Variants in FANCI observed in about 807,000 individuals in gnomAD.
FANCI encodes the protein FA complementation group I, also known as Fanconi anemia group I protein.
Under a neutral mutation model 176.1 loss-of-function variants are expected in FANCI, and 156 were observed. That is an observed-to-expected ratio of 0.89 (90% CI 0.78 to 1.01). The LOEUF is 1.01. Among genes scored for constraint, FANCI ranks in the 50% least tolerant of loss-of-function variants. The pLI is 0.00. For missense variants in FANCI, 1,678 were observed against 1,534.1 expected, an observed-to-expected ratio of 1.09 and a Z score of -1.57; for synonymous variants, 613 against 541.7, an observed-to-expected ratio of 1.13 and a Z score of -1.83.
chr15:89,269,837 G>C (rs1373151493), intron 10 of FANCI, among the ~76,000 whole-genome samples: 1 of 151,018 alleles, frequency 6.6e-6, no homozygotes, highest in East Asian at 1.9e-4. Flanking sequence ...TTTGGACAGA[G>C]TCTCACTGTG....
At chr15:89,263,349 C>T (rs2052797042) in intron 6 of FANCI, 70 bp from the exon 7 acceptor site, 7 of 1,335,528 alleles carry the variant, frequency 5.2e-6, no homozygotes, top group Admixed American at 3.4e-5. Flanking sequence ...TTTTTTTGTC[C>T]TCATTAATTT....
intron 14 of FANCI, 27 bp from the exon 15 acceptor site, chr15:89,281,143 C>A (rs1321805294): frequency 6.2e-7 from 1 of 1,608,794 alleles, no homozygotes; most frequent in Non-Finnish European, 8.5e-7. Context: ...TTATTTGAGA[C>A]AACTGATTAT....
At chr15:89,295,366 G>GAAAAAA (rs373941070) in intron 24 of FANCI, among the ~76,000 whole-genome samples, 1 of 96,302 alleles carries the variant, frequency 1.0e-5, no homozygotes. Flanking sequence ...ACTCTCAAAA[G>GAAAAAA]AAAAAAAAAA....
intron 20 of FANCI, among the ~76,000 whole-genome samples, chr15:89,291,994 G>A (rs2054087423): frequency 6.6e-6 from 1 of 152,144 alleles, no homozygotes; most frequent in Admixed American, 6.5e-5. Context: ...CTAAATAAAT[G>A]TACTTTAGAA....
At chr15:89,248,808 C>G (rs2052103111) in intron 2 of FANCI, among the ~76,000 whole-genome samples, 2 of 152,052 alleles carry the variant, frequency 1.3e-5, no homozygotes, top group South Asian at 4.1e-4. Flanking sequence ...ATATTGTAGT[C>G]TCATTGCTCT....
At chr15:89,262,694 T>C (rs2052765085) in intron 6 of FANCI, among the ~76,000 whole-genome samples, 1 of 152,228 alleles carries the variant, frequency 6.6e-6, no homozygotes, top group Non-Finnish European at 1.5e-5. Context: ...AATTTGTTTT[T>C]AATTACACAA....
chr15:89,263,314 C>T lies in FANCI; in HGVS notation c.504-105C>T, dbSNP rs181770397. ...TATTTGATCTTGTTTCTCGGTATTGCAAAATCAAACTTGAATTGGCCCTGT... is the reference window on the plus strand; with the variant it reads ...TATTTGATCTTGTTTCTCGGTATTGTAAAATCAAACTTGAATTGGCCCTGT... On this transcript the variant is annotated intron_variant, in intron 6 of 37. Transcript: ENST00000310775. 9.2e-5 allele frequency: 83 copies of T among 907,004 alleles called. 1 individual carries two copies. Among genetic ancestry groups the T allele is most frequent in the Admixed American group, 7.7e-4 (41 of 53,480 alleles). 56.2% of individuals were successfully genotyped at this position (907,004 alleles called of 1,614,324 possible).
chr15:89,291,869 A>G (rs536108599), intron 20 of FANCI, among the ~76,000 whole-genome samples, 155 bp downstream of exon 20: 1 of 152,306 alleles, frequency 6.6e-6, no homozygotes, highest in East Asian at 1.9e-4. Context: ...CTGAACCATT[A>G]TCATTTTGGA....
rs747326740 is a variant in FANCI at position 89,307,625 on chromosome 15, G to C, written c.3604G>C (p.Gly1202Arg). The change falls in exon 34 of 38, where the codon GGT becomes CGT. Residue 1202 changes from glycine (G) to arginine (R), a missense_variant. Around this residue, in one of 3 missense-constraint regions of FANCI, gnomAD observed 1,204 missense variants for 1,077.4 expected, o/e 1.12. Coordinates refer to ENST00000310775, the MANE Select transcript of FANCI (RefSeq NM_001113378.2). The stretch of plus-strand genomic sequence containing the variant: ...CCTTGTTGTGCAGGTGAAGCTGTCT[G>C]GTTCTCATCTGACCCCCCTGTGTTA... The part of the protein sequence containing the change: ...KNMEKLVKLS[G>R]SHLTPLCYSF... 10 of 1,614,034 alleles carry C rather than the reference G, an allele frequency of 6.2e-6. No individual in the cohort carries two copies. The Admixed American group carries it at 1.5e-4, about 24-fold the overall frequency.
intron 2 of FANCI, among the ~76,000 whole-genome samples, chr15:89,252,097 C>T (rs773127435): frequency 3.9e-5 from 6 of 152,056 alleles, no homozygotes; most frequent in Non-Finnish European, 5.9e-5. Flanking sequence ...GTCAGGAGTT[C>T]GAAACCAGCC....
At chr15:89,311,805 G>T (rs527952873) in intron 34 of FANCI, among the ~76,000 whole-genome samples, 1 of 152,202 alleles carries the variant, frequency 6.6e-6, no homozygotes, top group South Asian at 2.1e-4. Context: ...TGTTGCCCTC[G>T]TGGAGCATGG....
chr15:89,269,548 G>C (rs1026639629), intron 10 of FANCI, among the ~76,000 whole-genome samples: 6 of 151,946 alleles, frequency 3.9e-5, no homozygotes, highest in Non-Finnish European at 8.8e-5. Context: ...TTATCTGATT[G>C]TTTCCTCACG....
intron 18 of FANCI, among the ~76,000 whole-genome samples, chr15:89,289,297 T>A (rs1211003860): frequency 6.6e-6 from 1 of 152,136 alleles, no homozygotes; most frequent in African/African-American, 2.4e-5. Flanking sequence ...TTTCCCCTTT[T>A]TCCGTTTTCC....
At chr15:89,253,621 A>G (rs2052362841) in intron 2 of FANCI, among the ~76,000 whole-genome samples, 1 of 152,188 alleles carries the variant, frequency 6.6e-6, no homozygotes, top group Non-Finnish European at 1.5e-5. Flanking sequence ...ACTGTCATAC[A>G]AAGTATAGAT....
intron 16 of FANCI, chr15:89,282,258 C>A: frequency 5.0e-6 from 1 of 201,054 alleles, no homozygotes; most frequent in Non-Finnish European, 1.0e-5. Flanking sequence ...GGCAGCAGTT[C>A]CAAAGGGGAA....
chr15:89,307,779 G>A, intron 34 of FANCI, 107 bp downstream of exon 34: 7 of 1,585,410 alleles, frequency 4.4e-6, no homozygotes, highest in African/African-American at 2.7e-5. Flanking sequence ...TTTTTTCCCT[G>A]CTTACCACAA....
intron 26 of FANCI, 128 bp from the exon 27 acceptor site, chr15:89,301,198 C>G: frequency 1.3e-6 from 1 of 765,334 alleles, no homozygotes; most frequent in Non-Finnish European, 2.4e-6. Context: ...CAGATTTTAT[C>G]CTCTTAGAAT....
At chr15:89,258,285 C>A (rs1451668946) in intron 2 of FANCI, among the ~76,000 whole-genome samples, 1 of 152,174 alleles carries the variant, frequency 6.6e-6, no homozygotes, top group African/African-American at 2.4e-5. Context: ...CCTTTCCTCA[C>A]TTATTGTCTA....
chr15:89,247,827 A>G, intron 2 of FANCI, 96 bp downstream of exon 2: 2 of 919,872 alleles, frequency 2.2e-6, no homozygotes, highest in South Asian at 2.7e-5. Context: ...CTGCTTCTTC[A>G]TCTACTCCCC....
Sources: allele counts gnomAD v4.1 joint callset (sites outside exome capture counted in the v4.1 genomes callset), GRCh38; gene constraint gnomAD v4.1.1; regional missense constraint gnomAD v4.1.1; transcripts MANE v1.5; gene names NCBI Gene and HGNC (gene_info 2026-07-23, HGNC 2026-07-21).